LHFPL3: variants seen among roughly 807,000 people sequenced by gnomAD.
LHFPL3 encodes LHFPL tetraspan subfamily member 3, also known as LHFPL tetraspan subfamily member 3 protein.
LHFPL3 carries 5 observed loss-of-function variants against 19.3 expected under a neutral mutation model. The ratio of observed to expected loss-of-function variants is 0.26; its 90% confidence interval spans 0.14 to 0.54. LHFPL3 has a LOEUF of 0.54. Ranked by LOEUF, LHFPL3 falls within the 20% of genes least tolerant of loss-of-function variation. LHFPL3 has a pLI of 0.94. For missense variants in LHFPL3, 249 were observed against 307.4 expected (o/e 0.81, Z 1.42); for synonymous variants, 133 against 126.2 (o/e 1.05, Z -0.36).
chr7:104,839,743 A>C (rs1293422688), intron 2 of LHFPL3, among the ~76,000 whole-genome samples: 3 of 152,192 alleles, frequency 2.0e-5, no homozygotes, highest in African/African-American at 7.2e-5. Flanking sequence ...CACCTGTAAC[A>C]CTTGCTTGTG....
chr7:104,791,252 A>T (rs904102283), intron 2 of LHFPL3, among the ~76,000 whole-genome samples: 2 of 152,226 alleles, frequency 1.3e-5, no homozygotes, highest in African/African-American at 4.8e-5. Context: ...CATAAAACAA[A>T]CACAAAAGGA....
At chr7:104,559,369 G>A (rs899453955) in intron 1 of LHFPL3, among the ~76,000 whole-genome samples, 18 of 150,586 alleles carry the variant, frequency 1.2e-4, no homozygotes, top group East Asian at 1.9e-4. Context: ...GCAGTGGTTT[G>A]TAGTTCTCCT....
intron 1 of LHFPL3, among the ~76,000 whole-genome samples, chr7:104,429,637 C>A (rs1188184892): frequency 1.3e-5 from 2 of 151,962 alleles, no homozygotes; most frequent in African/African-American, 4.8e-5. Context: ...TTAATTATTT[C>A]TTGCAAAAAG....
chr7:104,478,076 T>A (rs540329406), intron 1 of LHFPL3, among the ~76,000 whole-genome samples: 4 of 152,366 alleles, frequency 2.6e-5, no homozygotes, highest in South Asian at 4.1e-4. Context: ...GCTTTGTATT[T>A]TCTTTTATGA....
intron 1 of LHFPL3, among the ~76,000 whole-genome samples, chr7:104,543,126 G>A (rs1794519461): frequency 1.3e-5 from 2 of 152,112 alleles, no homozygotes; most frequent in South Asian, 2.1e-4. Flanking sequence ...ACACAGGGAG[G>A]GGAACATCAC....
At chr7:104,859,375 A>C (rs1791571455) in intron 2 of LHFPL3, among the ~76,000 whole-genome samples, 1 of 152,146 alleles carries the variant, frequency 6.6e-6, no homozygotes, top group Non-Finnish European at 1.5e-5. Flanking sequence ...GCATTCAAAA[A>C]AGCATTAAGT....
At chr7:104,639,614 TG>T (rs1791791909) in intron 1 of LHFPL3, among the ~76,000 whole-genome samples, 1 of 152,218 alleles carries the variant, frequency 6.6e-6, no homozygotes. Flanking sequence ...TTTCTTTTAA[TG>T]TAAAATAAGT....
chr7:104,439,911 C>T (rs1792182646), intron 1 of LHFPL3, among the ~76,000 whole-genome samples: 1 of 151,718 alleles, frequency 6.6e-6, no homozygotes, highest in African/African-American at 2.4e-5. Flanking sequence ...CCTTTATTCA[C>T]AATGTGATCA....
intron 1 of LHFPL3, among the ~76,000 whole-genome samples, chr7:104,712,117 C>A (rs919133569): frequency 1.3e-5 from 2 of 152,110 alleles, no homozygotes; most frequent in Non-Finnish European, 2.9e-5. Context: ...TTTGGATAGA[C>A]CCAATTTAAT....
chr7:104,347,427 T>G (rs1475420756), intron 1 of LHFPL3, among the ~76,000 whole-genome samples: 1 of 152,018 alleles, frequency 6.6e-6, no homozygotes, highest in Non-Finnish European at 1.5e-5. Flanking sequence ...CACCCTCTTT[T>G]TGGAGTTAGG....
chr7:104,502,709 A>G (rs1442948984), intron 1 of LHFPL3, among the ~76,000 whole-genome samples: 4 of 152,202 alleles, frequency 2.6e-5, no homozygotes, highest in South Asian at 2.1e-4. Context: ...TGACTTGCCT[A>G]AAGTGCTTTC....
chr7:104,727,038 G>C (rs1007924918), intron 1 of LHFPL3, among the ~76,000 whole-genome samples: 2 of 152,184 alleles, frequency 1.3e-5, no homozygotes, highest in Non-Finnish European at 2.9e-5. Flanking sequence ...ACTGGCATGA[G>C]AAGCATCTCA....
At chr7:104,734,463 T>C (rs1157126335) in intron 1 of LHFPL3, among the ~76,000 whole-genome samples, 2 of 152,242 alleles carry the variant, frequency 1.3e-5, no homozygotes, top group Non-Finnish European at 2.9e-5. Context: ...CTTCATTTCA[T>C]TCATTTGATC....
intron 2 of LHFPL3, among the ~76,000 whole-genome samples, chr7:104,793,549 G>T (rs771865590): frequency 4.6e-5 from 7 of 152,278 alleles, no homozygotes; most frequent in African/African-American, 1.7e-4. Flanking sequence ...CCACAAAAAG[G>T]TAACACATTT....
At chr7:104,636,104 A>G (rs61434358) in intron 1 of LHFPL3, among the ~76,000 whole-genome samples, 60,028 of 152,080 alleles carry the variant, frequency 0.39, 12,487 homozygotes, top group East Asian at 0.62. Flanking sequence ...CATAGTCTTT[A>G]TAATGAAAAC....
intron 1 of LHFPL3, among the ~76,000 whole-genome samples, chr7:104,405,278 C>G (rs909897704): frequency 6.6e-6 from 1 of 152,122 alleles, no homozygotes; most frequent in African/African-American, 2.4e-5. Flanking sequence ...TTTTTCCTAA[C>G]TAATATTCTA....
At chr7:104,906,107 C>T (rs1173470643) in intron 2 of LHFPL3, 80 bp from the exon 3 acceptor site, 14 of 1,381,680 alleles carry the variant, frequency 1.0e-5, no homozygotes, top group Non-Finnish European at 1.3e-5. Context: ...ATATTATGCA[C>T]AAAAATCTTG....
chr7:104,489,292 C>G (rs949900475), intron 1 of LHFPL3, among the ~76,000 whole-genome samples: 1 of 137,716 alleles, frequency 7.3e-6, no homozygotes, highest in African/African-American at 2.6e-5. Context: ...CCGTTTTTAG[C>G]CGGGATGGTC....
At chr7:104,424,716 G>T (rs1327381053) in intron 1 of LHFPL3, among the ~76,000 whole-genome samples, 1 of 152,106 alleles carries the variant, frequency 6.6e-6, no homozygotes, top group Non-Finnish European at 1.5e-5. Flanking sequence ...ACTTGGCCGG[G>T]CGCGGTGGCT....
Sources: allele counts gnomAD v4.1 joint callset (sites outside exome capture counted in the v4.1 genomes callset), GRCh38; gene constraint gnomAD v4.1.1; transcripts MANE v1.5; gene names NCBI Gene and HGNC (gene_info 2026-07-23, HGNC 2026-07-21).